Variants in CNTN4 observed in about 807,000 individuals in gnomAD.
CNTN4 encodes the protein contactin-4.
A neutral mutation model predicts 122.5 loss-of-function variants in CNTN4; 77 were observed. That is an observed-to-expected ratio of 0.63 (90% CI 0.52 to 0.76). CNTN4 has a LOEUF of 0.76. CNTN4 is among the 30% of genes least tolerant of loss of function. CNTN4 has a pLI of 0.00. For synonymous variants in CNTN4, 512 were observed against 447.0 expected, an observed-to-expected ratio of 1.15 and a Z score of -1.83; for missense variants, 1,256 against 1,259.1, an observed-to-expected ratio of 1.00 and a Z score of 0.04.
chr3:2,722,578 G>T (rs370616583), intron 4 of CNTN4, among the ~76,000 whole-genome samples: 2 of 152,058 alleles, frequency 1.3e-5, no homozygotes, highest in Admixed American at 6.5e-5. Context: ...CTCAATGGAC[G>T]TGCTTTTTAC....
At chr3:2,831,596 C>T (rs563168638) in intron 7 of CNTN4, among the ~76,000 whole-genome samples, 42 of 152,190 alleles carry the variant, frequency 2.8e-4, no homozygotes, top group Non-Finnish European at 1.2e-4. Context: ...CTCTTTTTCT[C>T]CCATCATCTG....
At chr3:2,853,396 G>A (rs532943462) in intron 7 of CNTN4, among the ~76,000 whole-genome samples, 3 of 152,002 alleles carry the variant, frequency 2.0e-5, no homozygotes, top group African/African-American at 7.2e-5. Flanking sequence ...AGGTGCCCAC[G>A]ACCACGCCCA....
chr3:2,863,714 A>G (rs1305513977), intron 7 of CNTN4, among the ~76,000 whole-genome samples: 1 of 152,068 alleles, frequency 6.6e-6, no homozygotes, highest in Non-Finnish European at 1.5e-5. Context: ...TGGTAATTCC[A>G]TGAGCAAATA....
intron 2 of CNTN4, among the ~76,000 whole-genome samples, chr3:2,328,535 G>T (rs895397938): frequency 1.6e-4 from 24 of 152,158 alleles, no homozygotes; most frequent in South Asian, 1.0e-3. Flanking sequence ...ATCTTTTGTT[G>T]TAGGGGCTTT....
chr3:2,471,541 C>T (rs1476057950), intron 3 of CNTN4, among the ~76,000 whole-genome samples: 2 of 152,110 alleles, frequency 1.3e-5, no homozygotes, highest in African/African-American at 4.8e-5. Context: ...ATTATTATTT[C>T]CCTTCCGAAA....
At chr3:2,481,059 TTC>T (rs1164875792) in intron 3 of CNTN4, among the ~76,000 whole-genome samples, 5 of 116,810 alleles carry the variant, frequency 4.3e-5, no homozygotes, top group Admixed American at 3.3e-4. Flanking sequence ...CTTTCTTTCT[TTC>T]TCTCTTTCTC....
chr3:2,503,002 T>A (rs1559613151), intron 3 of CNTN4, among the ~76,000 whole-genome samples: 1 of 152,168 alleles, frequency 6.6e-6, no homozygotes, highest in Non-Finnish European at 1.5e-5. Context: ...CTGAAACATT[T>A]TTGGAGATAT....
intron 3 of CNTN4, among the ~76,000 whole-genome samples, chr3:2,423,352 CAT>C (rs758223224): frequency 2.6e-5 from 4 of 152,146 alleles, no homozygotes; most frequent in Non-Finnish European, 5.9e-5. Context: ...GATGCACAAA[CAT>C]GTGGTGCCAT....
intron 4 of CNTN4, among the ~76,000 whole-genome samples, chr3:2,587,372 G>T (rs1446384719): frequency 2.0e-5 from 3 of 152,178 alleles, no homozygotes; most frequent in Non-Finnish European, 4.4e-5. Flanking sequence ...ATAGAATTTT[G>T]TTGGGAAGTT....
chr3:2,604,707 C>G (rs2081186695), intron 4 of CNTN4, among the ~76,000 whole-genome samples: 1 of 152,176 alleles, frequency 6.6e-6, no homozygotes, highest in East Asian at 1.9e-4. Context: ...ATATAAAAAG[C>G]TGTACATATT....
At chr3:2,595,142 T>C (rs1271911624) in intron 4 of CNTN4, among the ~76,000 whole-genome samples, 2 of 152,332 alleles carry the variant, frequency 1.3e-5, no homozygotes, top group East Asian at 1.9e-4. Context: ...TAAGGTTCCA[T>C]TGACATGCTT....
intron 4 of CNTN4, among the ~76,000 whole-genome samples, chr3:2,651,700 T>C (rs953856912): frequency 6.9e-6 from 1 of 144,378 alleles, no homozygotes; most frequent in African/African-American, 2.7e-5. Flanking sequence ...ATTTTTTTTC[T>C]TTTTTTTCTT....
chr3:2,535,581 C>T (rs1279019819), intron 3 of CNTN4, among the ~76,000 whole-genome samples: 1 of 152,124 alleles, frequency 6.6e-6, no homozygotes, highest in African/African-American at 2.4e-5. Context: ...AATTATATCA[C>T]ATCCCAGTTC....
chr3:2,472,421 G>A (rs1045665463), intron 3 of CNTN4, among the ~76,000 whole-genome samples: 2 of 152,176 alleles, frequency 1.3e-5, no homozygotes, highest in East Asian at 1.9e-4. Flanking sequence ...TGTATTTTTA[G>A]TAGATATGGG....
chr3:2,645,130 A>C (rs539345250), intron 4 of CNTN4, among the ~76,000 whole-genome samples: 72 of 152,224 alleles, frequency 4.7e-4, no homozygotes, highest in Non-Finnish European at 8.8e-4. Flanking sequence ...AGACATGAAA[A>C]TTGCTCAGGC....
chr3:2,376,197 C>G (rs2045809560), intron 3 of CNTN4, among the ~76,000 whole-genome samples: 1 of 152,166 alleles, frequency 6.6e-6, no homozygotes, highest in South Asian at 2.1e-4. Context: ...CACCCATAAT[C>G]CATGTATCAG....
chr3:2,125,330 C>CTCTCTGTG (rs138301374), intron 2 of CNTN4, among the ~76,000 whole-genome samples: 1 of 143,364 alleles, frequency 7.0e-6, no homozygotes, highest in African/African-American at 2.6e-5. Flanking sequence ...ATTCTATTCT[C>CTCTCTGTG]TGTGTGTGTG....
chr3:3,006,769 C>T (rs1046538367), intron 14 of CNTN4, among the ~76,000 whole-genome samples: 5 of 152,146 alleles, frequency 3.3e-5, no homozygotes, highest in Non-Finnish European at 5.9e-5. Context: ...CAGCTCTATA[C>T]CATGGAACAA....
chr3:2,413,938 G>C (rs1373457057), intron 3 of CNTN4, among the ~76,000 whole-genome samples: 1 of 152,154 alleles, frequency 6.6e-6, no homozygotes, highest in Admixed American at 6.5e-5. Flanking sequence ...TAACGTGTTT[G>C]GTGCCAACAA....
Sources: gnomAD v4.1 joint callset for allele counts (sites outside exome capture counted in the v4.1 genomes callset) on GRCh38, gnomAD v4.1.1 for gene constraint, MANE v1.5 for transcripts, NCBI Gene and HGNC (gene_info 2026-07-23, HGNC 2026-07-21) for gene names.